SPANXN3: variants seen among roughly 807,000 people sequenced by gnomAD.
SPANXN3 encodes sperm protein associated with the nucleus on the X chromosome N3.
Under a neutral mutation model 1.9 loss-of-function variants are expected in SPANXN3, and 1 was observed. The ratio of observed to expected loss-of-function variants is 0.54; its 90% confidence interval spans 0.19 to 2.54. The LOEUF (loss-of-function observed/expected upper bound fraction) is 2.54, where lower values mean the gene tolerates loss of function less well. Among genes scored for constraint, SPANXN3 ranks in the 30% most tolerant of loss-of-function variants. The pLI is 0.24. For missense variants in SPANXN3, 113 were observed against 96.2 expected, an observed-to-expected ratio of 1.17 and a Z score of -0.73; for synonymous variants, 47 against 40.0, an observed-to-expected ratio of 1.17 and a Z score of -0.66.
In SPANXN3 at chrX:143,515,220, C is replaced by A. The variant is rs150222232; in HGVS notation, c.78+2094G>T. 8.3e-3 allele frequency among the ~76,000 whole-genome samples: 918 copies of A among 110,998 alleles called. 5 individuals carry two copies. Among genetic ancestry groups the A allele is most frequent in the Non-Finnish European group, 0.012 (653 of 53,038 alleles). ...CACCAGGTTATCCTAACTACTCCGA[C>A]TGGGGCAAAGCTAACATCCTTTCCA... is the stretch of plus-strand genomic sequence containing the variant. On this transcript the variant is annotated intron_variant, in intron 1 of 1. Transcript: ENST00000370503.
chrX:143,516,589 A>G (rs1371554975), intron 1 of SPANXN3: 3 of 111,378 alleles, frequency 2.7e-5, no homozygotes, highest in African/African-American at 9.8e-5. Context: ...TCCTCCTAAT[A>G]CTACAATTGG....
At position 143,508,748 on chromosome X, in the gene SPANXN3, C is replaced by G; in HGVS notation, c.*67G>C. ...TAAACACAGTCATCAGCTCCTTAAA[C>G]TTGATTTTATTGTAATCATCGCCAT... On this transcript the variant is annotated 3_prime_UTR_variant, in exon 2 of 2. Coordinates refer to ENST00000370503, the MANE Select transcript of SPANXN3 (RefSeq NM_001009609.4). 1.0e-6 allele frequency: 1 copy of G among 979,126 alleles called. No individual in the cohort carries two copies. Among genetic ancestry groups the G allele is most frequent in the Non-Finnish European group, 1.4e-6 (1 of 702,802 alleles). The allele number at this position is 979,126 out of a possible 1,213,427, so 80.7% of individuals were successfully genotyped here. A position where few individuals can be genotyped will look rare whatever the true frequency, so the allele number is the denominator to read the frequency against.
At chrX:143,511,179 C>T (rs1448677725) in intron 1 of SPANXN3, among the ~76,000 whole-genome samples, 1 of 110,657 alleles carries the variant, frequency 9.0e-6, no homozygotes, top group African/African-American at 3.3e-5. Flanking sequence ...TTTACGGGTG[C>T]CCAGGTCCAT....
At chrX:143,513,202 C>A (rs1929135522) in intron 1 of SPANXN3, among the ~76,000 whole-genome samples, 1 of 111,915 alleles carries the variant, frequency 8.9e-6, no homozygotes, top group South Asian at 3.8e-4. Flanking sequence ...CCTAAAACCC[C>A]TAAACCCAGC....
intron 1 of SPANXN3, among the ~76,000 whole-genome samples, chrX:143,512,176 C>A (rs1454096346): frequency 3.6e-5 from 4 of 109,719 alleles, no homozygotes; most frequent in Non-Finnish European, 7.6e-5. Flanking sequence ...CCATGCAATG[C>A]GGCTCCTACA....
chrX:143,509,085 T>C lies in SPANXN3; in HGVS notation c.156A>G (p.Ile52Met). 8.3e-7 allele frequency: 1 copy of C among 1,211,435 alleles called. No individual in the cohort carries two copies. Among genetic ancestry groups the C allele is most frequent in the Non-Finnish European group, 1.1e-6 (1 of 895,179 alleles). The change falls in exon 2 of 2, where the codon ATA becomes ATG. Residue 52 changes from isoleucine (I) to methionine (M), a missense_variant. Transcript: ENST00000370503. Reference sequence around the variant, plus strand: ...TACCCTTCCTGAGGTAATACACAAATATTATTGGATATTCTGATGTTTTTG... The same window carrying C: ...TACCCTTCCTGAGGTAATACACAAACATTATTGGATATTCTGATGTTTTTG... ...KNTKTSEYPIIFVYYLRKGKK... is the reference protein window; with the variant it reads ...KNTKTSEYPIMFVYYLRKGKK...
intron 1 of SPANXN3, among the ~76,000 whole-genome samples, chrX:143,510,345 C>T (rs1422902344): frequency 9.0e-6 from 1 of 111,151 alleles, no homozygotes; most frequent in Non-Finnish European, 1.9e-5. Flanking sequence ...ATTCTGGCCG[C>T]TCCGTCCTCT....
chrX:143,510,375 G>A (rs1263483569), intron 1 of SPANXN3, among the ~76,000 whole-genome samples: 1 of 110,272 alleles, frequency 9.1e-6, no homozygotes, highest in East Asian at 2.9e-4. Flanking sequence ...GAATAGCTAT[G>A]GGGCTGTCCC....
rs1307101333 is a variant in SPANXN3, at chrX:143,509,103, T to C, written c.138A>G (p.Thr46=). The C allele has an allele frequency of 8.3e-7, 1 of 1,210,174 alleles. No homozygotes were observed. The highest frequency in any genetic ancestry group is 1.1e-6 in the Non-Finnish European group (1 of 895,212). ...APEQSLKNTK[T]SEYPIIFVYY... ...ACACAAATATTATTGGATATTCTGA[T>C]GTTTTTGTGTTCTTCAAACTCTGTT... Residue 46 remains threonine, a synonymous_variant, in exon 2 of 2, where the codon ACA becomes ACG. Transcript: ENST00000370503.
At chrX:143,511,631 A>G (rs1310903869) in intron 1 of SPANXN3, among the ~76,000 whole-genome samples, 3 of 111,775 alleles carry the variant, frequency 2.7e-5, no homozygotes, top group Admixed American at 9.5e-5. Context: ...CTGCCACTCA[A>G]CAGGGTTCCC....
At position 143,509,153 on chromosome X, in the gene SPANXN3, C is replaced by T. The variant is rs782748033; in HGVS notation, c.88G>A (p.Val30Ile). The change falls in exon 2 of 2, where the codon GTA becomes ATA. Residue 30 changes from valine (V) to isoleucine (I), a missense_variant. Transcript: ENST00000370503. The part of the protein sequence containing the change: ...NNKKNDEMQE[V>I]PNRVLAPEQS... ...TCGGGGGCTAAGACTCTGTTTGGTA[C>T]CTCTTGCATCTGGTAAGAAAATAGG... The T allele has an allele frequency of 2.5e-5, 30 of 1,201,150 alleles. No individual in the cohort carries two copies. The highest frequency in any genetic ancestry group is 1.3e-4 in the Admixed American group (6 of 45,111).
chrX:143,512,643 C>T (rs1372406910), intron 1 of SPANXN3, among the ~76,000 whole-genome samples: 1 of 111,439 alleles, frequency 9.0e-6, no homozygotes. Context: ...CTGAAAGATG[C>T]CTATTTCACC....
chrX:143,511,310 A>G (rs1929086556), intron 1 of SPANXN3, among the ~76,000 whole-genome samples: 1 of 111,586 alleles, frequency 9.0e-6, no homozygotes, highest in South Asian at 3.8e-4. Context: ...ACCAGGCCAT[A>G]TGATATCATG....
In SPANXN3 at chrX:143,517,470, T is replaced by G; in HGVS notation, c.-79A>C. 5.6e-6 allele frequency: 6 copies of G among 1,074,630 alleles called. No homozygotes were observed. The highest frequency in any genetic ancestry group is 6.4e-6 in the Non-Finnish European group (5 of 775,304). The allele number at this position is 1,074,630 out of a possible 1,213,427, so 88.6% of individuals were successfully genotyped here. On this transcript the variant is annotated 5_prime_UTR_variant, in exon 1 of 2. Coordinates refer to ENST00000370503, the MANE Select transcript of SPANXN3 (RefSeq NM_001009609.4). ...CCACAGCTATGTTGAAGCTTCCCAG[T>G]GGGATGTCCCAGAGCTCTTGCCCTC...
chrX:143,516,185 C>T (rs1556412483), intron 1 of SPANXN3, among the ~76,000 whole-genome samples: 1 of 112,452 alleles, frequency 8.9e-6, no homozygotes, highest in African/African-American at 3.2e-5. Context: ...GTCAGAGGGG[C>T]TACCCTTGCT....
At chrX:143,515,136 A>G (rs1284625991) in intron 1 of SPANXN3, among the ~76,000 whole-genome samples, 8 of 110,427 alleles carry the variant, frequency 7.2e-5, no homozygotes, top group African/African-American at 2.3e-4. Flanking sequence ...CAACCAGGGG[A>G]CTGGGTCTGA....
At position 143,508,738 on chromosome X, in the gene SPANXN3, G is replaced by A. The variant is rs1268125871; in HGVS notation, c.*77C>T. The A allele has an allele frequency of 3.4e-5, 30 of 880,183 alleles. No individual in the cohort carries two copies. Among genetic ancestry groups the A allele is most frequent in the Middle Eastern group, 3.2e-4 (1 of 3,129 alleles). 72.5% of individuals were successfully genotyped at this position (880,183 alleles called of 1,213,427 possible). On this transcript the variant is annotated 3_prime_UTR_variant, in exon 2 of 2. Coordinates refer to ENST00000370503, the MANE Select transcript of SPANXN3 (RefSeq NM_001009609.4). ...CAGGCAGAGATAAACACAGTCATCAGCTCCTTAAACTTGATTTTATTGTAA... is the reference window on the plus strand; with the variant it reads ...CAGGCAGAGATAAACACAGTCATCAACTCCTTAAACTTGATTTTATTGTAA...
Position 143,517,392 on chromosome X carries a change from G to T in SPANXN3, c.-1C>A. 1 of 1,211,107 alleles carries T rather than the reference G, an allele frequency of 8.3e-7. No individual in the cohort carries two copies. Among genetic ancestry groups the T allele is most frequent in the Non-Finnish European group, 1.1e-6 (1 of 894,960 alleles). On this transcript the variant is annotated 5_prime_UTR_variant, in exon 1 of 2. Coordinates refer to ENST00000370503, the MANE Select transcript of SPANXN3 (RefSeq NM_001009609.4). ...TGGTGCTGGAAGTTGGCTGTTCCAT[G>T]ATTCTGGTTGGTTGTAGAATGTCTA...
intron 1 of SPANXN3, among the ~76,000 whole-genome samples, chrX:143,515,677 C>A (rs374486459): frequency 1.8e-5 from 2 of 110,610 alleles, no homozygotes; most frequent in African/African-American, 3.3e-5. Flanking sequence ...CAGTCACACT[C>A]CCCTCTTCCT....
Sources: gnomAD v4.1 joint callset for allele counts (sites outside exome capture counted in the v4.1 genomes callset) on GRCh38, gnomAD v4.1.1 for gene constraint, MANE v1.5 for transcripts, NCBI Gene and HGNC (gene_info 2026-07-23, HGNC 2026-07-21) for gene names.